The following MORC2 variants were observed in gnomAD, a reference collection of about 807,000 sequenced individuals.
MORC2 encodes the protein ATPase MORC2.
MORC2 carries 30 observed loss-of-function variants against 136.0 expected under a neutral mutation model. The ratio of observed to expected loss-of-function variants is 0.22; its 90% CI spans 0.17 to 0.30. The LOEUF (loss-of-function observed/expected upper bound fraction) is 0.30, where lower values mean the gene tolerates loss of function less well. Ranked by LOEUF, MORC2 falls within the 10% of genes least tolerant of loss-of-function variation. The pLI is 1.00. For synonymous variants in MORC2, 439 were observed against 487.0 expected (o/e 0.90, Z 1.30); for missense variants, 922 against 1,333.1 (o/e 0.69, Z 4.80).
chr22:30,964,868 G>C (rs1308225456), intron 1 of MORC2, among the ~76,000 whole-genome samples: 1 of 152,156 alleles, frequency 6.6e-6, no homozygotes, highest in Non-Finnish European at 1.5e-5. Flanking sequence ...CACCAAACAA[G>C]TTGCCACCAC....
intron 17 of MORC2, 141 bp from the exon 18 acceptor site, chr22:30,935,463 T>A (rs936027855): frequency 5.4e-6 from 4 of 745,740 alleles, no homozygotes; most frequent in Non-Finnish European, 6.6e-6. Context: ...CCTGTTCTCA[T>A]TGGGGAGACA....
chr22:30,932,951 A>G lies in MORC2; in HGVS notation c.2460T>C (p.His820=). 2.5e-6 allele frequency: 4 copies of G among 1,614,064 alleles called. No homozygotes were observed. Among genetic ancestry groups the G allele is most frequent in the Non-Finnish European group, 3.4e-6 (4 of 1,180,000 alleles). The change falls in exon 22 of 26, where the codon CAT becomes CAC. Residue 820 remains histidine, a synonymous_variant. Coordinates refer to ENST00000397641, the MANE Select transcript of MORC2 (RefSeq NM_001303256.3). This position sits in a 1 kb window ranked among gnomAD's most constrained non-coding sequence, Gnocchi z 4.4. ...CAAACTTCACCTTCCACCGCACCAC[A>G]TGCTTGCCCACCTCCACGGCTGTGA... The part of the protein sequence containing the change: ...GRVTAVEVGK[H]VVRWKVKFDY...
intron 20 of MORC2, among the ~76,000 whole-genome samples, chr22:30,933,840 G>A (rs1313093847): frequency 2.0e-5 from 3 of 152,166 alleles, no homozygotes; most frequent in African/African-American, 7.2e-5. Flanking sequence ...TTAGTCACTT[G>A]TGTAACTGAG....
At chr22:30,953,788 T>TA (rs2040926003) in intron 3 of MORC2, among the ~76,000 whole-genome samples, 1 of 152,182 alleles carries the variant, frequency 6.6e-6, no homozygotes, top group South Asian at 2.1e-4. Context: ...ATCCAACTAA[T>TA]AATAATATGC....
chr22:30,935,842 C>T (rs1350593258), intron 17 of MORC2, among the ~76,000 whole-genome samples: 1 of 152,104 alleles, frequency 6.6e-6, no homozygotes, highest in African/African-American at 2.4e-5. Flanking sequence ...TAAAAGTGGA[C>T]ACATGAAAAA....
chr22:30,940,887 TG>T (rs755768919), intron 9 of MORC2, 50 bp from the exon 10 acceptor site: 3 of 1,492,244 alleles, frequency 2.0e-6, no homozygotes, highest in African/African-American at 2.8e-5. Context: ...GTGGGGCAGG[TG>T]GCACACCCAA....
In MORC2 at chr22:30,934,173, G is replaced by A. The variant is rs2040619550; in HGVS notation, c.2212C>T (p.Arg738Trp). 1.9e-6 allele frequency: 3 copies of A among 1,613,942 alleles called. No homozygotes were observed. Among genetic ancestry groups the A allele is most frequent in the South Asian group, 1.1e-5 (1 of 91,078 alleles). Reference sequence around the variant, plus strand: ...TCCTCATCAGAAACTGCGACACTCCGCTTCCGACTAGGGGTAGCCTAGAGC... The same window carrying A: ...TCCTCATCAGAAACTGCGACACTCCACTTCCGACTAGGGGTAGCCTAGAGC... ...KLSPATPSRK[R>W]SVAVSDEEEV... Residue 738 changes from arginine (R) to tryptophan (W), a missense_variant, in exon 20 of 26, where the codon CGG (arginine) becomes TGG (tryptophan). By Grantham distance (101) the Arg-to-Trp change is moderately radical (BLOSUM62 -3). Transcript: ENST00000397641. The surrounding 1 kb of genome is among the most constrained non-coding windows in gnomAD (Gnocchi z 4.4).
rs535418949 is a variant in MORC2, at chr22:30,925,159, G to A, written c.*1644C>T. 52 of 337,100 alleles carry A rather than the reference G, an allele frequency of 1.5e-4. No individual in the cohort carries two copies. Among genetic ancestry groups the A allele is most frequent in the South Asian group, 1.2e-3 (52 of 42,300 alleles). The allele number at this position is 337,100 out of a possible 1,614,324, so 20.9% of individuals were successfully genotyped here. On this transcript the variant is annotated 3_prime_UTR_variant, in exon 26 of 26. Transcript: ENST00000397641. The stretch of plus-strand genomic sequence containing the variant: ...GGAGTCTCACCAGTAGAACTTTATA[G>A]TATTGCGTTTCGATTACATGTGTGT...
chr22:30,926,991 C>G (rs898560671), intron 25 of MORC2, 120 bp from the exon 26 acceptor site: 4 of 718,084 alleles, frequency 5.6e-6, no homozygotes, highest in East Asian at 5.3e-5. Context: ...CCTCCCACCC[C>G]GCCCTGGATG....
intron 3 of MORC2, among the ~76,000 whole-genome samples, chr22:30,952,120 C>T (rs1425481544): frequency 4.6e-5 from 7 of 152,078 alleles, no homozygotes; most frequent in South Asian, 4.1e-4. Flanking sequence ...CCAAATGAGA[C>T]GTGGCAATCA....
At chr22:30,951,304 G>A (rs1326214136) in intron 3 of MORC2, among the ~76,000 whole-genome samples, 3 of 152,234 alleles carry the variant, frequency 2.0e-5, no homozygotes, top group Admixed American at 6.5e-5. Flanking sequence ...ACTGAAAGTG[G>A]TCTGGGTCCA....
At chr22:30,938,464 G>T (rs1253747770) in intron 12 of MORC2, among the ~76,000 whole-genome samples, 2 of 152,156 alleles carry the variant, frequency 1.3e-5, no homozygotes, top group Admixed American at 6.5e-5. Context: ...AATATGAATT[G>T]TTTATTACGA....
At chr22:30,964,548 C>T (rs1457636161) in intron 1 of MORC2, among the ~76,000 whole-genome samples, 1 of 152,148 alleles carries the variant, frequency 6.6e-6, no homozygotes, top group Non-Finnish European at 1.5e-5. Flanking sequence ...ACATCACTAC[C>T]ACCACTACAT....
chr22:30,954,874 G>A (rs1163512163), intron 3 of MORC2, among the ~76,000 whole-genome samples: 1 of 151,046 alleles, frequency 6.6e-6, no homozygotes. Context: ...AGCGGTAGCT[G>A]TTACCATTCC....
intron 5 of MORC2, among the ~76,000 whole-genome samples, chr22:30,948,104 A>G (rs2147280882): frequency 6.6e-6 from 1 of 152,328 alleles, no homozygotes; most frequent in East Asian, 1.9e-4. Flanking sequence ...TCAGAGTCAC[A>G]TTTCATTTGC....
In MORC2 at chr22:30,931,322, C is replaced by T. The variant is rs118188943; in HGVS notation, c.2841+1037G>A. On this transcript the variant is annotated intron_variant, in intron 24 of 25. Coordinates refer to ENST00000397641, the MANE Select transcript of MORC2 (RefSeq NM_001303256.3). The stretch of plus-strand genomic sequence containing the variant: ...TTTACATACTGTCTGTGGTTGCTTT[C>T]GTGCTATAATGGCAGAGTTGCCACA... 5.4e-3 allele frequency among the ~76,000 whole-genome samples: 819 copies of T among 152,320 alleles called. 3 individuals are homozygous for T. Among genetic ancestry groups the T allele is most frequent in the Non-Finnish European group, 8.3e-3 (562 of 68,028 alleles).
chr22:30,927,368 C>T (rs1462370088), intron 25 of MORC2, among the ~76,000 whole-genome samples: 1 of 152,200 alleles, frequency 6.6e-6, no homozygotes, highest in Admixed American at 6.5e-5. Context: ...CAAGCCCTGC[C>T]TCTGCCCCTA....
chr22:30,927,207 G>A (rs2040499154), intron 25 of MORC2, among the ~76,000 whole-genome samples: 1 of 152,048 alleles, frequency 6.6e-6, no homozygotes, highest in South Asian at 2.1e-4. Flanking sequence ...TCAGACAACT[G>A]TGGGAGCCTC....
At chr22:30,963,509 C>T (rs1018428539) in intron 1 of MORC2, among the ~76,000 whole-genome samples, 3 of 151,860 alleles carry the variant, frequency 2.0e-5, no homozygotes, top group African/African-American at 4.8e-5. Context: ...CTCAGACTCC[C>T]GAGTAGCTGG....
Sources: gnomAD v4.1 joint callset for allele counts (sites outside exome capture counted in the v4.1 genomes callset) on GRCh38, gnomAD v4.1.1 for gene constraint, Gnocchi (gnomAD v3.1) non-coding constraint, MANE v1.5 for transcripts, NCBI Gene and HGNC (gene_info 2026-07-23, HGNC 2026-07-21) for gene names.